The following ADAM2 variants were observed in gnomAD, a reference collection of about 807,000 sequenced individuals.
The protein encoded by ADAM2 is ADAM metallopeptidase domain 2.
A neutral mutation model predicts 99.3 loss-of-function variants in ADAM2; 101 were observed. The ratio of observed to expected loss-of-function variants is 1.02; its 90% confidence interval spans 0.87 to 1.20. The LOEUF (loss-of-function observed/expected upper bound fraction) is 1.20. Ranked by LOEUF, ADAM2 falls within the 50% of genes most tolerant of loss-of-function variation. The probability of loss-of-function intolerance (pLI) is 0.00; values close to 1 mark genes in which losing one functional copy is unlikely to be tolerated. For synonymous variants in ADAM2, 323 were observed against 287.6 expected, an observed-to-expected ratio of 1.12 and a Z score of -1.25; for missense variants, 948 against 878.7, an observed-to-expected ratio of 1.08 and a Z score of -1.00.
intron 7 of ADAM2, among the ~76,000 whole-genome samples, chr8:39,795,896 C>G (rs946189919): frequency 1.3e-5 from 2 of 152,114 alleles, no homozygotes; most frequent in African/African-American, 4.8e-5. Context: ...ATGTTTCTCA[C>G]TGCACTTACA....
intron 12 of ADAM2, 21 bp from the exon 13 acceptor site, chr8:39,767,272 T>C (rs374064681): frequency 2.5e-6 from 4 of 1,573,412 alleles, no homozygotes; most frequent in Non-Finnish European, 3.5e-6. Flanking sequence ...AATCAAATGC[T>C]CTGAAGTATT....
At chr8:39,785,543 C>G (rs180908407) in intron 10 of ADAM2, among the ~76,000 whole-genome samples, 139 of 152,272 alleles carry the variant, frequency 9.1e-4, no homozygotes, top group African/African-American at 3.3e-3. Context: ...ATAAGTCAAT[C>G]CCAGCACTTT....
At chr8:39,824,926 T>A (rs370117898) in intron 3 of ADAM2, 29 bp from the exon 4 acceptor site, 1 of 1,004,436 alleles carries the variant, frequency 1.0e-6, no homozygotes, top group South Asian at 1.4e-5. Context: ...ATGGAAAAAT[T>A]TGATTCTTAA....
rs1250008564 is a variant in ADAM2 at position 39,795,424 on chromosome 8, C to T, written c.571-6684G>A. Among the ~76,000 whole-genome samples, 6 of 152,124 alleles carry T rather than the reference C, an allele frequency of 3.9e-5. No homozygotes were observed. In the South Asian group the frequency reaches 1.0e-3, roughly 26 times the overall value. On this transcript the variant is annotated intron_variant, in intron 7 of 20. Coordinates refer to ENST00000265708, the MANE Select transcript of ADAM2 (RefSeq NM_001464.5). ...ATCTATTCTCTCTGAAGCCTGCTAC[C>T]TGGAGGCTTCATCTGCATGATAAAA...
intron 11 of ADAM2, among the ~76,000 whole-genome samples, chr8:39,775,412 T>C (rs1201570217): frequency 1.3e-5 from 2 of 152,120 alleles, no homozygotes; most frequent in Non-Finnish European, 1.5e-5. Context: ...GTTCACCAAG[T>C]ATCCAAGCTA....
At chr8:39,757,909 A>G (rs1802209810) in intron 15 of ADAM2, among the ~76,000 whole-genome samples, 1 of 152,216 alleles carries the variant, frequency 6.6e-6, no homozygotes, top group African/African-American at 2.4e-5. Flanking sequence ...CATTTCATTC[A>G]GCAGAGAAGC....
At chr8:39,747,055 C>A (rs1823498363) in intron 18 of ADAM2, among the ~76,000 whole-genome samples, 1 of 152,128 alleles carries the variant, frequency 6.6e-6, no homozygotes, top group Non-Finnish European at 1.5e-5. Context: ...CCATCTATGC[C>A]TATAGTTTTT....
chr8:39,786,037 T>C (rs188700232), intron 10 of ADAM2, among the ~76,000 whole-genome samples: 77 of 152,314 alleles, frequency 5.1e-4, no homozygotes, highest in Non-Finnish European at 8.7e-4. Context: ...ACTATTATTC[T>C]AAGTGAATTA....
intron 6 of ADAM2, among the ~76,000 whole-genome samples, chr8:39,812,507 A>G (rs1052630356): frequency 2.6e-5 from 4 of 152,124 alleles, no homozygotes; most frequent in Non-Finnish European, 5.9e-5. Flanking sequence ...GAGGCATCAC[A>G]CTACCTGACT....
At chr8:39,811,576 A>T (rs1335064829) in intron 6 of ADAM2, among the ~76,000 whole-genome samples, 1 of 152,224 alleles carries the variant, frequency 6.6e-6, no homozygotes, top group Non-Finnish European at 1.5e-5. Flanking sequence ...AAGCTTATCC[A>T]CCACGATCAA....
At chr8:39,759,619 C>G (rs1238768082) in intron 15 of ADAM2, among the ~76,000 whole-genome samples, 1 of 152,068 alleles carries the variant, frequency 6.6e-6, no homozygotes, top group African/African-American at 2.4e-5. Context: ...AACTTACACT[C>G]AAACCTTTCA....
chr8:39,753,398 GA>G (rs1007581528), intron 16 of ADAM2, among the ~76,000 whole-genome samples: 3 of 151,404 alleles, frequency 2.0e-5, no homozygotes, highest in African/African-American at 7.3e-5. Flanking sequence ...ATAAAAGTTG[GA>G]AAAATTTGCA....
At chr8:39,760,944 A>G (rs1048648303) in intron 15 of ADAM2, among the ~76,000 whole-genome samples, 4 of 151,020 alleles carry the variant, frequency 2.6e-5, no homozygotes, top group Admixed American at 6.6e-5. Context: ...AAAAATGATT[A>G]CTGATGGGTA....
intron 11 of ADAM2, among the ~76,000 whole-genome samples, chr8:39,776,710 TAATA>T (rs1803004359): frequency 6.6e-6 from 1 of 152,118 alleles, no homozygotes; most frequent in Non-Finnish European, 1.5e-5. Flanking sequence ...AAGTTCATAC[TAATA>T]AATACTTTTT....
At chr8:39,786,907 A>T in intron 10 of ADAM2, 67 bp downstream of exon 10, 1 of 1,192,820 alleles carries the variant, frequency 8.4e-7, no homozygotes, top group Non-Finnish European at 1.2e-6. Context: ...CATAAAAATT[A>T]AATATGAAAA....
At chr8:39,797,712 C>A (rs1379350635) in intron 7 of ADAM2, among the ~76,000 whole-genome samples, 2 of 152,088 alleles carry the variant, frequency 1.3e-5, no homozygotes. Flanking sequence ...TTTGTGTCCT[C>A]TTTTATTTCC....
intron 9 of ADAM2, 114 bp downstream of exon 9, chr8:39,787,971 G>A (rs1368388163): frequency 5.3e-5 from 31 of 583,234 alleles, no homozygotes; most frequent in Middle Eastern, 9.5e-4. Flanking sequence ...TTTACATGGC[G>A]TGTGTGAGAA....
intron 6 of ADAM2, among the ~76,000 whole-genome samples, chr8:39,815,570 C>A (rs1804909820): frequency 6.6e-6 from 1 of 152,106 alleles, no homozygotes; most frequent in Admixed American, 6.6e-5. Flanking sequence ...CTTATTTATT[C>A]ATGTTTTGTA....
At chr8:39,791,870 C>A (rs754177881) in intron 7 of ADAM2, among the ~76,000 whole-genome samples, 3 of 151,968 alleles carry the variant, frequency 2.0e-5, no homozygotes, top group Non-Finnish European at 4.4e-5. Context: ...AGAGCCGAGC[C>A]ACAACTTGAC....
Sources: allele counts gnomAD v4.1 joint callset (sites outside exome capture counted in the v4.1 genomes callset), GRCh38; gene constraint gnomAD v4.1.1; transcripts MANE v1.5; gene names NCBI Gene and HGNC (gene_info 2026-07-23, HGNC 2026-07-21).